Variants in PRSS23 observed in about 807,000 individuals in gnomAD.
PRSS23 encodes the protein protease, serine 23.
PRSS23 carries 25 observed loss-of-function variants against 34.7 expected under a neutral mutation model. The observed-to-expected ratio is 0.72, with a 90% CI of 0.53 to 1.01. The LOEUF (loss-of-function observed/expected upper bound fraction) is 1.01. PRSS23 is among the 50% of genes least tolerant of loss of function. The pLI is 0.00. For missense variants in PRSS23, 445 were observed against 475.6 expected (o/e 0.94, Z 0.60); for synonymous variants, 176 against 186.6 (o/e 0.94, Z 0.46).
At chr11:86,800,832 C>T (rs1213225981) in intron 1 of PRSS23, among the ~76,000 whole-genome samples, 181 bp downstream of exon 1, 1 of 152,152 alleles carries the variant, frequency 6.6e-6, no homozygotes, top group East Asian at 1.9e-4. Flanking sequence ...CCTGAAGGAG[C>T]TCTGGGGAGA....
intron 2 of PRSS23, chr11:86,909,892 C>G (rs1284254798): frequency 6.6e-6 from 1 of 152,200 alleles, no homozygotes; most frequent in Admixed American, 6.5e-5. Flanking sequence ...ATAAAATTAA[C>G]TCTTTAGTTA....
Position 86,808,502 on chromosome 11 carries a change from C to T in PRSS23, c.859C>T (p.Pro287Ser). Residue 287 changes from proline (P) to serine (S), a missense_variant, in exon 2 of 2, where the codon CCA becomes TCA. Pro to Ser is a moderately conservative substitution (Grantham distance 74, BLOSUM62 -1). Coordinates refer to ENST00000280258, the MANE Select transcript of PRSS23 (RefSeq NM_007173.6). ...CTTCTCTGGTTATGACAATGACCGA[C>T]CAGGCAATTTGGTGTATCGCTTCTG... is the stretch of plus-strand genomic sequence containing the variant. ...IHFSGYDNDR[P>S]GNLVYRFCDV... 6.2e-7 allele frequency: 1 copy of T among 1,614,230 alleles called. No individual in the cohort carries two copies. Among genetic ancestry groups the T allele is most frequent in the Non-Finnish European group, 8.5e-7 (1 of 1,180,038 alleles).
intron 2 of PRSS23, among the ~76,000 whole-genome samples, chr11:86,862,071 G>T (rs1361256947): frequency 6.6e-6 from 1 of 151,706 alleles, no homozygotes; most frequent in Non-Finnish European, 1.5e-5. Flanking sequence ...GAAGGGAGAG[G>T]ATAATATTAC....
intron 2 of PRSS23, among the ~76,000 whole-genome samples, chr11:86,928,661 C>A (rs1401625299): frequency 2.6e-5 from 1 of 37,828 alleles, no homozygotes; most frequent in African/African-American, 1.0e-4. Context: ...GGCGACAAAG[C>A]AAGACTCTGT....
chr11:86,928,485 C>T (rs1160964922), intron 2 of PRSS23, among the ~76,000 whole-genome samples: 1 of 147,558 alleles, frequency 6.8e-6, no homozygotes, highest in Admixed American at 6.8e-5. Context: ...ATCATCCTGG[C>T]TAACACAGTA....
At position 86,834,237 on chromosome 11, in the gene PRSS23, C is replaced by CT. The variant is rs538632993; in HGVS notation, c.206+10645dup. Among the ~76,000 whole-genome samples the CT allele has an allele frequency of 4.1e-4, 63 of 152,220 alleles. 1 individual carries two copies. Among genetic ancestry groups the CT allele is most frequent in the African/African-American group, 1.5e-3 (61 of 41,536 alleles). On this transcript the variant is annotated intron_variant, in intron 2 of 2. Transcript: ENST00000533902. The stretch of plus-strand genomic sequence containing the variant: ...GCCATCTGATGGGTGCTATCAATGC[C>CT]TAAGTGAAAGATTTGGTGAAGGGTT...
At chr11:86,917,336 G>A (rs922887037) in intron 2 of PRSS23, among the ~76,000 whole-genome samples, 1 of 152,194 alleles carries the variant, frequency 6.6e-6, no homozygotes, top group Non-Finnish European at 1.5e-5. Flanking sequence ...CAATGAATTT[G>A]TGATCGTGGG....
At chr11:86,832,621 G>T in intron 2 of PRSS23, 1 of 493,404 alleles carries the variant, frequency 2.0e-6, no homozygotes, top group Non-Finnish European at 4.0e-6. Context: ...TGATCACCGT[G>T]TACATCATTG....
At chr11:86,871,990 G>A (rs1422770198) in intron 2 of PRSS23, among the ~76,000 whole-genome samples, 3 of 152,204 alleles carry the variant, frequency 2.0e-5, no homozygotes, top group Non-Finnish European at 2.9e-5. Context: ...ATCTCAAATG[G>A]CATAATAGTA....
intron 2 of PRSS23, among the ~76,000 whole-genome samples, chr11:86,834,055 C>T (rs576845684): frequency 4.1e-4 from 62 of 152,208 alleles, no homozygotes; most frequent in African/African-American, 1.4e-3. Flanking sequence ...TTTACAGCTT[C>T]GATTCTGGAA....
chr11:86,813,936 T>G (rs949812529), downstream of PRSS23, among the ~76,000 whole-genome samples: 4 of 152,184 alleles, frequency 2.6e-5, no homozygotes, highest in African/African-American at 9.7e-5. Flanking sequence ...AGTGGTCATA[T>G]CTGGAAGAGT....
rs1281329334 is a variant in PRSS23 at position 86,939,409 on chromosome 11, T to A, written c.207-11807T>A. Among the ~76,000 whole-genome samples the A allele has an allele frequency of 6.3e-3, 468 of 74,762 alleles. 6 individuals carry two copies. Among genetic ancestry groups the A allele is most frequent in the Non-Finnish European group, 9.0e-3 (279 of 30,882 alleles). The allele number at this position is 74,762 out of a possible 152,430, so 49.0% of individuals were successfully genotyped here. On this transcript the variant is annotated intron_variant, in intron 2 of 2. Transcript: ENST00000533902. ...TTTCTCAGTTAAAAAAAAAAATATA[T>A]ATATATATATATATATATTTTTTAA... is the stretch of plus-strand genomic sequence containing the variant.
At chr11:86,928,359 T>C (rs1185281988) in intron 2 of PRSS23, among the ~76,000 whole-genome samples, 1 of 148,492 alleles carries the variant, frequency 6.7e-6, no homozygotes, top group Admixed American at 6.7e-5. Context: ...TATATATAAA[T>C]CTATAATACA....
intron 2 of PRSS23, among the ~76,000 whole-genome samples, chr11:86,879,508 G>T (rs1183069551): frequency 1.6e-5 from 2 of 123,744 alleles, no homozygotes; most frequent in Non-Finnish European, 3.5e-5. Flanking sequence ...GGGGGGATCA[G>T]CCCCCCACCC....
At chr11:86,952,582 T>C in exon 3 of PRSS23, 1 of 1,176,042 alleles carries the variant, frequency 8.5e-7, no homozygotes, top group Non-Finnish European at 1.2e-6. Context: ...GTATCTACTT[T>C]TAAACCAACC....
intron 2 of PRSS23, chr11:86,934,691 T>C (rs1169564839): frequency 6.6e-6 from 1 of 152,236 alleles, no homozygotes; most frequent in Middle Eastern, 3.2e-3. Context: ...TTCAAGTTTT[T>C]GTTTTTCTTC....
chr11:86,834,758 G>A (rs1948391544), intron 2 of PRSS23, among the ~76,000 whole-genome samples: 1 of 152,104 alleles, frequency 6.6e-6, no homozygotes, highest in African/African-American at 2.4e-5. Context: ...TGGGCATGGA[G>A]GACTAGGTAA....
intron 2 of PRSS23, among the ~76,000 whole-genome samples, chr11:86,882,781 G>T (rs1948779932): frequency 1.3e-5 from 2 of 152,132 alleles, no homozygotes; most frequent in South Asian, 4.1e-4. Flanking sequence ...TCGCCACATT[G>T]TCTTCCACAA....
intron 2 of PRSS23, among the ~76,000 whole-genome samples, chr11:86,904,657 G>T (rs975753641): frequency 6.6e-6 from 1 of 152,140 alleles, no homozygotes; most frequent in Non-Finnish European, 1.5e-5. Context: ...AGGCCGGATA[G>T]CCTCTGTCAC....
Sources: allele counts gnomAD v4.1 joint callset (sites outside exome capture counted in the v4.1 genomes callset), GRCh38; gene constraint gnomAD v4.1.1; transcripts MANE v1.5; gene names NCBI Gene and HGNC (gene_info 2026-07-23, HGNC 2026-07-21).